Variants in YEATS2 observed in about 807,000 individuals in gnomAD.
YEATS2 encodes the protein YEATS domain containing 2.
In YEATS2, 77 loss-of-function variants were observed where a neutral mutation model predicts 163.2. The observed-to-expected ratio is 0.47, with a 90% CI of 0.39 to 0.57. YEATS2 has a LOEUF of 0.57. YEATS2 is among the 20% of genes least tolerant of loss of function. The probability of loss-of-function intolerance (pLI) is 0.00; values close to 1 mark genes in which losing one functional copy is unlikely to be tolerated. For synonymous variants in YEATS2, 631 were observed against 645.1 expected (o/e 0.98, Z 0.33); for missense variants, 1,549 against 1,729.8 (o/e 0.90, Z 1.85).
chr3:183,738,414 T>TTTTTTG (rs1221928948), intron 8 of YEATS2, among the ~76,000 whole-genome samples: 30 of 146,912 alleles, frequency 2.0e-4, no homozygotes, highest in African/African-American at 7.0e-4. Context: ...TTTTTTTTTT[T>TTTTTTG]TTAATACTTT....
At chr3:183,705,341 C>A (rs1168380554) in intron 1 of YEATS2, among the ~76,000 whole-genome samples, 1 of 152,198 alleles carries the variant, frequency 6.6e-6, no homozygotes, top group Admixed American at 6.5e-5. Flanking sequence ...TGAGCCACCA[C>A]GCCCGGCCTA....
chr3:183,796,814 C>T (rs925075268), intron 21 of YEATS2, among the ~76,000 whole-genome samples: 10 of 152,024 alleles, frequency 6.6e-5, no homozygotes, highest in African/African-American at 2.2e-4. Flanking sequence ...TCATAGAAAA[C>T]AAACATGGAA....
At chr3:183,698,613 T>G (rs1713739451) in intron 1 of YEATS2, among the ~76,000 whole-genome samples, 5 of 152,110 alleles carry the variant, frequency 3.3e-5, no homozygotes, top group Admixed American at 3.3e-4. Context: ...TGTTAAGAAA[T>G]AGAAACCAGA....
intron 6 of YEATS2, among the ~76,000 whole-genome samples, chr3:183,725,310 C>A (rs1262170248): frequency 6.6e-6 from 1 of 152,100 alleles, no homozygotes; most frequent in Non-Finnish European, 1.5e-5. Flanking sequence ...TATTTGAAAG[C>A]CAGTAGAGAA....
chr3:183,794,395 G>A (rs1298490170), intron 21 of YEATS2, among the ~76,000 whole-genome samples: 2 of 152,218 alleles, frequency 1.3e-5, no homozygotes, highest in African/African-American at 4.8e-5. Context: ...CTCAGTGGCA[G>A]TGCTAGAAGC....
Position 183,719,145 on chromosome 3 carries a change from A to T in YEATS2, c.291+553A>T, listed in dbSNP as rs1716229632. 3.4e-5 allele frequency among the ~76,000 whole-genome samples: 5 copies of T among 148,700 alleles called. No individual in the cohort carries two copies. In the South Asian group the frequency reaches 8.5e-4, roughly 25 times the overall value. On this transcript the variant is annotated intron_variant, in intron 4 of 30. Coordinates refer to ENST00000305135, the MANE Select transcript of YEATS2 (RefSeq NM_018023.5). ...CGCATTGTCAATAATCCTAAGTAAT[A>T]TTTTTTCCTTTTTTTTTTTTTTGTT...
In YEATS2 at chr3:183,810,655, G is replaced by A. The variant is rs919032589; in HGVS notation, c.*72G>A. 4 of 1,399,080 alleles carry A rather than the reference G, an allele frequency of 2.9e-6. No homozygotes were observed. The highest frequency in any genetic ancestry group is 3.0e-6 in the Non-Finnish European group (3 of 999,772). The allele number at this position is 1,399,080 out of a possible 1,614,324, so 86.7% of individuals were successfully genotyped here. ...GCTGTAACTGAGGACCCTGCTGCTC[G>A]GGAAGGAGGTGGTTTCCAGTGTGAC... On this transcript the variant is annotated 3_prime_UTR_variant, in exon 31 of 31. Coordinates refer to ENST00000305135, the MANE Select transcript of YEATS2 (RefSeq NM_018023.5).
At chr3:183,766,331 G>T (rs1356030781) in intron 15 of YEATS2, among the ~76,000 whole-genome samples, 1 of 152,186 alleles carries the variant, frequency 6.6e-6, no homozygotes, top group African/African-American at 2.4e-5. Flanking sequence ...GTGAGTATCA[G>T]GCATATCCAT....
intron 7 of YEATS2, among the ~76,000 whole-genome samples, chr3:183,735,161 ATCATAG>A (rs1214882932): frequency 2.0e-5 from 3 of 152,238 alleles, no homozygotes; most frequent in Non-Finnish European, 2.9e-5. Flanking sequence ...TACCTAATTT[ATCATAG>A]TCATTGTGAG....
chr3:183,725,679 C>T (rs541424253), intron 6 of YEATS2, among the ~76,000 whole-genome samples: 13 of 152,344 alleles, frequency 8.5e-5, no homozygotes, highest in African/African-American at 3.1e-4. Flanking sequence ...TCAATTACCT[C>T]CCACTGCGTC....
chr3:183,745,384 G>A (rs1027898316), intron 8 of YEATS2, among the ~76,000 whole-genome samples: 1 of 152,044 alleles, frequency 6.6e-6, no homozygotes, highest in Admixed American at 6.6e-5. Context: ...AGATTGTCTC[G>A]CACAAATCCC....
intron 22 of YEATS2, 87 bp from the exon 23 acceptor site, chr3:183,798,804 A>T (rs1307966998): frequency 6.7e-6 from 7 of 1,039,608 alleles, no homozygotes; most frequent in African/African-American, 6.3e-5. Flanking sequence ...TGTTAGTCTA[A>T]TGTGGGGTTG....
At chr3:183,808,896 A>G (rs1204698269) in intron 29 of YEATS2, 3 of 538,264 alleles carry the variant, frequency 5.6e-6, no homozygotes, top group Non-Finnish European at 1.0e-5. Flanking sequence ...ATTAATGAAA[A>G]TCACTCCAAT....
intron 1 of YEATS2, among the ~76,000 whole-genome samples, chr3:183,698,514 A>G (rs1560207997): frequency 6.6e-6 from 1 of 152,224 alleles, no homozygotes; most frequent in Non-Finnish European, 1.5e-5. Context: ...AGCCTCGGAA[A>G]GTGAGGACTC....
chr3:183,773,383 A>G (rs1174921086), intron 16 of YEATS2, among the ~76,000 whole-genome samples: 1 of 152,234 alleles, frequency 6.6e-6, no homozygotes, highest in African/African-American at 2.4e-5. Context: ...CAGAACCAGG[A>G]CGTACGATCA....
At chr3:183,777,778 T>C in intron 19 of YEATS2, 78 bp downstream of exon 19, 1 of 1,497,878 alleles carries the variant, frequency 6.7e-7, no homozygotes, top group East Asian at 2.4e-5. Context: ...AGTTTCTCTC[T>C]TTTCACAAAG....
intron 9 of YEATS2, among the ~76,000 whole-genome samples, chr3:183,748,255 TC>T (rs1719772886): frequency 2.6e-5 from 3 of 116,064 alleles, no homozygotes; most frequent in South Asian, 3.0e-4. Context: ...CCCCTTCCCC[TC>T]CTTTTTTTTT....
intron 20 of YEATS2, among the ~76,000 whole-genome samples, chr3:183,786,667 T>C (rs962158240): frequency 6.6e-6 from 1 of 152,050 alleles, no homozygotes; most frequent in African/African-American, 2.4e-5. Flanking sequence ...GGGAGTCATA[T>C]AACATGCCCT....
At chr3:183,798,132 C>T in intron 22 of YEATS2, 81 bp downstream of exon 22, 7 of 1,579,070 alleles carry the variant, frequency 4.4e-6, no homozygotes, top group Non-Finnish European at 6.0e-6. Context: ...ACTGCTCTGC[C>T]TGTGTACAGC....
Sources: allele counts gnomAD v4.1 joint callset (sites outside exome capture counted in the v4.1 genomes callset), GRCh38; gene constraint gnomAD v4.1.1; transcripts MANE v1.5; gene names NCBI Gene and HGNC (gene_info 2026-07-23, HGNC 2026-07-21).